Variants in ADGRG1 observed in about 807,000 individuals in gnomAD.
ADGRG1 encodes 7-transmembrane protein with no EGF-like N-terminal domains-1.
ADGRG1 carries 53 observed loss-of-function variants against 73.5 expected under a neutral mutation model. The observed-to-expected ratio is 0.72, with a 90% CI of 0.58 to 0.91. The LOEUF (loss-of-function observed/expected upper bound fraction) is 0.91, where lower values mean the gene tolerates loss of function less well. Ranked by LOEUF, ADGRG1 falls within the 40% of genes least tolerant of loss-of-function variation. The pLI is 0.00. For missense variants in ADGRG1, 795 were observed against 871.8 expected, an observed-to-expected ratio of 0.91 and a Z score of 1.11; for synonymous variants, 394 against 374.4, an observed-to-expected ratio of 1.05 and a Z score of -0.60.
intron 1 of ADGRG1, 51 bp from the exon 2 acceptor site, chr16:57,650,202 C>T (rs765210382): frequency 5.1e-6 from 8 of 1,563,476 alleles, no homozygotes; most frequent in Non-Finnish European, 6.2e-6. Context: ...CAGGGCCAGC[C>T]CAACCACCAC....
rs140298537 is a variant in ADGRG1 at position 57,661,807 on chromosome 16, G to C, written c.1775G>C (p.Arg592Pro). The C allele has an allele frequency of 6.2e-7, 1 of 1,614,216 alleles. No individual in the cohort carries two copies. ...GCCACCATGGTGGTGCAGATCCTGC[G>C]GCTGCGCCCCCACACCCAAAAGTGG... is the stretch of plus-strand genomic sequence containing the variant. ...MLATMVVQIL[R>P]LRPHTQKWSH... The change falls in exon 13 of 14, where the codon CGG becomes CCG. Residue 592 changes from arginine to proline, a missense_variant. Coordinates refer to ENST00000562631, the MANE Select transcript of ADGRG1 (RefSeq NM_201525.4).
At chr16:57,652,679 C>T in intron 3 of ADGRG1, 1 of 990,712 alleles carries the variant, frequency 1.0e-6, no homozygotes, top group African/African-American at 1.7e-5. Context: ...CCAGGGCCTG[C>T]CTTCCTCAGT....
In ADGRG1 at chr16:57,654,139, G is replaced by A. The variant is rs547706192; in HGVS notation, c.768+6G>A. Reference sequence around the variant, plus strand: ...ACATCCACTCCCGGCAGGAGGTCAGGGGCAGGCCTGGGCAGGAAGCAGATG... The same window carrying A: ...ACATCCACTCCCGGCAGGAGGTCAGAGGCAGGCCTGGGCAGGAAGCAGATG... On this transcript the variant is annotated splice_donor_region_variant and intron_variant, in intron 5 of 13. Coordinates refer to ENST00000562631, the MANE Select transcript of ADGRG1 (RefSeq NM_201525.4). 2 of 1,609,110 alleles carry A rather than the reference G, an allele frequency of 1.2e-6. No homozygotes were observed. The highest frequency in any genetic ancestry group is 3.3e-5 in the Admixed American group (2 of 59,984).
intron 12 of ADGRG1, 87 bp downstream of exon 12, chr16:57,660,963 A>G: frequency 1.2e-6 from 1 of 821,074 alleles, no homozygotes; most frequent in Non-Finnish European, 2.1e-6. Context: ...CATGCTGGCC[A>G]GGGGACACCT....
chr16:57,622,691 T>C (rs2035088344), intron 2 of ADGRG1: 4 of 801,844 alleles, frequency 5.0e-6, no homozygotes, highest in Middle Eastern at 1.2e-3. Flanking sequence ...TGACCTGTTC[T>C]GGATGGATCC....
chr16:57,619,790 C>G (rs551352296), upstream of ADGRG1: 1 of 152,326 alleles, frequency 6.6e-6, no homozygotes, highest in Non-Finnish European at 1.5e-5. Flanking sequence ...ACAGCCTGGG[C>G]GGCCGCTGAG....
upstream of ADGRG1, chr16:57,623,013 T>C: frequency 1.0e-6 from 1 of 985,410 alleles, no homozygotes. Flanking sequence ...AAGTTGCCAT[T>C]GGAACCAAGA....
intron 1 of ADGRG1, chr16:57,635,228 G>C (rs2039056722): frequency 1.0e-6 from 1 of 985,382 alleles, no homozygotes; most frequent in Non-Finnish European, 1.2e-6. Context: ...ATGGGCAGTG[G>C]GCAAAGCTGG....
chr16:57,623,018 C>G (rs1207401397), upstream of ADGRG1: 1 of 985,310 alleles, frequency 1.0e-6, no homozygotes, highest in Non-Finnish European at 1.2e-6. Context: ...GCCATTGGAA[C>G]CAAGAAGATG....
At chr16:57,646,915 A>G (rs1369636716) in intron 1 of ADGRG1, 17 of 984,774 alleles carry the variant, frequency 1.7e-5, no homozygotes, top group Non-Finnish European at 1.9e-5. Context: ...GTGTGAGCAG[A>G]GGCAGGGCCC....
chr16:57,628,137 C>CT (rs1262606720), upstream of ADGRG1: 47 of 883,870 alleles, frequency 5.3e-5, no homozygotes, highest in Middle Eastern at 5.8e-4. Context: ...TGCCTGTCAC[C>CT]CGCTCCCTCC....
chr16:57,656,049 CT>C, intron 7 of ADGRG1, 57 bp downstream of exon 7: 1 of 1,613,716 alleles, frequency 6.2e-7, no homozygotes, highest in Non-Finnish European at 8.5e-7. Context: ...TCACCCTTTC[CT>C]CTCCCTCCCT....
upstream of ADGRG1, chr16:57,625,747 T>G: frequency 4.3e-6 from 3 of 705,378 alleles, no homozygotes; most frequent in South Asian, 6.3e-5. Flanking sequence ...ACATCTTCTC[T>G]GGCTCCCCAG....
intron 3 of ADGRG1, chr16:57,652,890 AG>A: frequency 1.1e-5 from 14 of 1,229,880 alleles, no homozygotes; most frequent in Non-Finnish European, 1.4e-5. Flanking sequence ...CCTCCTAAGG[AG>A]GCCTGGCTGG....
intron 1 of ADGRG1, chr16:57,631,506 C>A: frequency 1.0e-6 from 1 of 985,546 alleles, no homozygotes; most frequent in Non-Finnish European, 1.2e-6. Context: ...ACAACAGAGC[C>A]CCAAACCCCA....
chr16:57,656,699 A>G, intron 9 of ADGRG1, 82 bp downstream of exon 9: 3 of 844,818 alleles, frequency 3.6e-6, no homozygotes, highest in Non-Finnish European at 6.3e-6. Context: ...ATATTCAGTC[A>G]TTTATTCCTC....
At chr16:57,642,653 G>A (rs1476790071) in intron 1 of ADGRG1, 1 of 984,500 alleles carries the variant, frequency 1.0e-6, no homozygotes, top group Non-Finnish European at 1.2e-6. Context: ...TCTAATCTGG[G>A]GACTAGTGCT....
intron 1 of ADGRG1, chr16:57,633,662 A>T: frequency 4.0e-6 from 1 of 253,082 alleles, no homozygotes; most frequent in Non-Finnish European, 6.2e-6. Flanking sequence ...GAGGCTGGTA[A>T]TGGCATCCTG....
rs60356656 is a variant in ADGRG1, at chr16:57,644,691, CACACAT to C, written c.-35-5561_-35-5556del. 0.016 allele frequency among the ~76,000 whole-genome samples: 2,253 copies of C among 137,040 alleles called. 149 individuals carry two copies. In the East Asian group the frequency reaches 0.22, roughly 14 times the overall value. 89.9% of individuals were successfully genotyped at this position (137,040 alleles called of 152,430 possible). A position where few individuals can be genotyped will look rare whatever the true frequency, so the allele number is the denominator to read the frequency against. ...CTCCTCACACACTCATGCACAAGCA[CACACAT>C]GCACGGGCACACACTGATCACACGC... On this transcript the variant is annotated intron_variant, in intron 1 of 13. Transcript: ENST00000562631.
Sources: allele counts gnomAD v4.1 joint callset (sites outside exome capture counted in the v4.1 genomes callset), GRCh38; gene constraint gnomAD v4.1.1; transcripts MANE v1.5; gene names NCBI Gene and HGNC (gene_info 2026-07-23, HGNC 2026-07-21).